Variants in GLRA2 observed in about 807,000 individuals in gnomAD.
GLRA2 encodes the protein glycine receptor subunit alpha-2.
A neutral mutation model predicts 31.6 loss-of-function variants in GLRA2; 11 were observed. The ratio of observed to expected loss-of-function variants is 0.35; its 90% CI spans 0.22 to 0.58. The LOEUF (loss-of-function observed/expected upper bound fraction) is 0.58. Ranked by LOEUF, GLRA2 falls within the 20% of genes least tolerant of loss-of-function variation. The pLI is 0.84. For synonymous variants in GLRA2, 132 were observed against 134.0 expected (o/e 0.99, Z 0.10); for missense variants, 212 against 351.8 (o/e 0.60, Z 3.18).
the GLRA2 span, among the ~76,000 whole-genome samples, chrX:14,487,126 C>A: frequency 9.1e-6 from 1 of 110,043 alleles, no homozygotes; most frequent in South Asian, 3.9e-4. Context: ...AAAAACACAG[C>A]AATGATGAAC....
At chrX:14,454,905 C>A in the GLRA2 span, among the ~76,000 whole-genome samples, 3 of 112,304 alleles carry the variant, frequency 2.7e-5, no homozygotes, top group Non-Finnish European at 5.6e-5. Context: ...AAATAGCTAT[C>A]CCATTCCAAG....
upstream of GLRA2, among the ~76,000 whole-genome samples, chrX:14,524,463 A>G: frequency 8.9e-6 from 1 of 112,081 alleles, no homozygotes. Context: ...AAGCATCTCT[A>G]ACAACGAAAG....
chrX:14,522,379 A>G, the GLRA2 span, among the ~76,000 whole-genome samples: 2 of 112,028 alleles, frequency 1.8e-5, no homozygotes, highest in Non-Finnish European at 3.8e-5. Flanking sequence ...ATCTGCAGTT[A>G]CTTCCTCCAG....
At chrX:14,571,615 T>C (rs1373977141) in intron 2 of GLRA2, among the ~76,000 whole-genome samples, 1 of 111,257 alleles carries the variant, frequency 9.0e-6, no homozygotes, top group Non-Finnish European at 1.9e-5. Flanking sequence ...GAAATGGAGG[T>C]GATGATAATT....
chrX:14,708,319 G>A (rs1272690547), intron 8 of GLRA2, among the ~76,000 whole-genome samples: 2 of 111,506 alleles, frequency 1.8e-5, no homozygotes, highest in African/African-American at 6.5e-5. Context: ...ATCAGGCCAG[G>A]TAAACAAATT....
the GLRA2 span, among the ~76,000 whole-genome samples, chrX:14,454,554 G>A: frequency 2.8e-5 from 3 of 105,302 alleles, no homozygotes; most frequent in Non-Finnish European, 3.8e-5. Context: ...CTCAAATAAA[G>A]TGTAAGCCCT....
intron 8 of GLRA2, among the ~76,000 whole-genome samples, chrX:14,716,487 A>C (rs1410534047): frequency 8.9e-6 from 1 of 111,848 alleles, no homozygotes; most frequent in Non-Finnish European, 1.9e-5. Context: ...GGCTGCAGAA[A>C]GGACTACAAT....
At chrX:14,540,163 A>G (rs2089382207) in intron 2 of GLRA2, among the ~76,000 whole-genome samples, 1 of 111,530 alleles carries the variant, frequency 9.0e-6, no homozygotes, top group Non-Finnish European at 1.9e-5. Context: ...TTGTAGGTTG[A>G]ATGCTTATTA....
At chrX:14,690,952 A>C in intron 8 of GLRA2, 93 bp downstream of exon 8, 1 of 957,418 alleles carries the variant, frequency 1.0e-6, no homozygotes, top group Non-Finnish European at 1.5e-6. Flanking sequence ...AATAAGCAAG[A>C]AGCCAAGGTT....
the GLRA2 span, among the ~76,000 whole-genome samples, chrX:14,520,362 C>T: frequency 8.9e-6 from 1 of 112,296 alleles, no homozygotes; most frequent in Admixed American, 9.4e-5. Context: ...AAGGAGAAAT[C>T]TTTCTAATGC....
At chrX:14,702,394 A>G (rs1442915344) in intron 8 of GLRA2, among the ~76,000 whole-genome samples, 3 of 112,222 alleles carry the variant, frequency 2.7e-5, no homozygotes, top group Admixed American at 9.4e-5. Context: ...TTTTATAAGT[A>G]GTCTACACTT....
intron 7 of GLRA2, among the ~76,000 whole-genome samples, chrX:14,611,167 C>A (rs998567614): frequency 1.8e-5 from 2 of 112,647 alleles, no homozygotes; most frequent in African/African-American, 6.4e-5. Context: ...ATTGGTCATA[C>A]AGTTACTTAT....
At chrX:14,698,677 AT>A (rs2091486054) in intron 8 of GLRA2, among the ~76,000 whole-genome samples, 1 of 67,091 alleles carries the variant, frequency 1.5e-5, no homozygotes, top group Non-Finnish European at 2.7e-5. Flanking sequence ...GACTCTATCT[AT>A]CTCAAAAAAA....
intron 8 of GLRA2, among the ~76,000 whole-genome samples, chrX:14,716,351 A>G (rs1223542207): frequency 9.0e-6 from 1 of 111,658 alleles, no homozygotes; most frequent in Non-Finnish European, 1.9e-5. Context: ...TATAGTAAAG[A>G]TGTGAATTCA....
chrX:14,721,013 G>A (rs952674319), intron 8 of GLRA2, among the ~76,000 whole-genome samples: 9 of 108,791 alleles, frequency 8.3e-5, no homozygotes, highest in African/African-American at 3.0e-4. Context: ...CGTCCACCTT[G>A]GGAGGCTAAG....
chrX:14,452,250 C>A, the GLRA2 span, among the ~76,000 whole-genome samples: 1 of 112,197 alleles, frequency 8.9e-6, no homozygotes, highest in African/African-American at 3.3e-5. Context: ...CTCTATTTCA[C>A]AGTCAACAGT....
intron 7 of GLRA2, among the ~76,000 whole-genome samples, chrX:14,656,012 T>C (rs2090936223): frequency 1.8e-5 from 2 of 112,156 alleles, no homozygotes; most frequent in Non-Finnish European, 3.8e-5. Context: ...GGGAACTTAC[T>C]GGAAATGTAG....
At chrX:14,549,746 C>T (rs1261619502) in intron 2 of GLRA2, among the ~76,000 whole-genome samples, 2 of 111,463 alleles carry the variant, frequency 1.8e-5, no homozygotes, top group African/African-American at 3.3e-5. Flanking sequence ...AGAACAGATA[C>T]CAGAGCTATA....
chrX:14,572,780 AGGTAGACTTAAGGAGGGCTACAAG>A (rs1244627776), intron 2 of GLRA2, among the ~76,000 whole-genome samples: 1 of 112,290 alleles, frequency 8.9e-6, no homozygotes, highest in Non-Finnish European at 1.9e-5. Flanking sequence ...ACATTTCAAA[AGGTAGACTTAAGGAGGGCTACAAG>A]GGGCCCTCTC....
Sources: allele counts gnomAD v4.1 joint callset (sites outside exome capture counted in the v4.1 genomes callset), GRCh38; gene constraint gnomAD v4.1.1; transcripts MANE v1.5; gene names NCBI Gene and HGNC (gene_info 2026-07-23, HGNC 2026-07-21).